The following MYT1L variants were observed in gnomAD, a reference collection of about 807,000 sequenced individuals.
MYT1L encodes myelin transcription factor 1-like protein.
Under a neutral mutation model 126.7 loss-of-function variants are expected in MYT1L, and 12 were observed. That is an observed-to-expected ratio of 0.09 (90% CI 0.06 to 0.15). The LOEUF (loss-of-function observed/expected upper bound fraction) is 0.15. Ranked by LOEUF, MYT1L falls within the 10% of genes least tolerant of loss-of-function variation. The pLI is 1.00. For synonymous variants in MYT1L, 541 were observed against 604.2 expected (o/e 0.90, Z 1.53); for missense variants, 979 against 1,585.2 (o/e 0.62, Z 6.49).
chr2:1,995,734 G>A (rs572205614), intron 5 of MYT1L, among the ~76,000 whole-genome samples: 13 of 152,246 alleles, frequency 8.5e-5, no homozygotes, highest in African/African-American at 2.9e-4. Flanking sequence ...CGAAATCCCC[G>A]TCCCAGACAA....
intron 3 of MYT1L, among the ~76,000 whole-genome samples, chr2:2,114,747 T>TG (rs1475021922): frequency 6.6e-6 from 1 of 152,204 alleles, no homozygotes; most frequent in Non-Finnish European, 1.5e-5. Flanking sequence ...ATGCTACAGG[T>TG]GGCCAGACCC....
chr2:2,184,655 G>A (rs1425186938), intron 2 of MYT1L, among the ~76,000 whole-genome samples: 1 of 151,996 alleles, frequency 6.6e-6, no homozygotes, highest in African/African-American at 2.4e-5. Context: ...TCCTCTTCCC[G>A]CCTAAGCCTC....
At chr2:2,013,948 T>C (rs2064098823) in intron 4 of MYT1L, among the ~76,000 whole-genome samples, 1 of 152,198 alleles carries the variant, frequency 6.6e-6, no homozygotes, top group African/African-American at 2.4e-5. Context: ...TGAAGAAGTG[T>C]TTGCTCCATG....
At position 1,889,510 on chromosome 2, in the gene MYT1L, G is replaced by T; in HGVS notation, c.2284-33C>A. ...TAGAAAGACATAGTGACTGTGCTTG[G>T]CCCGGCATCTTGTGACACCACGAGT... On this transcript the variant is annotated intron_variant, in intron 15 of 24. Coordinates refer to ENST00000647738, the MANE Select transcript of MYT1L (RefSeq NM_001303052.2). This position sits in a 1 kb window ranked among gnomAD's most constrained non-coding sequence, Gnocchi z 4.1. 2 of 1,529,202 alleles carry T rather than the reference G, an allele frequency of 1.3e-6. No homozygotes were observed. The highest frequency in any genetic ancestry group is 1.4e-5 in the African/African-American group (1 of 73,002). The allele number at this position is 1,529,202 out of a possible 1,614,324, so 94.7% of individuals were successfully genotyped here.
At chr2:2,124,815 C>T (rs2081479235) in intron 3 of MYT1L, among the ~76,000 whole-genome samples, 1 of 152,148 alleles carries the variant, frequency 6.6e-6, no homozygotes, top group Admixed American at 6.5e-5. Flanking sequence ...AGACACTTTG[C>T]TGAGGCACAG....
intron 8 of MYT1L, among the ~76,000 whole-genome samples, chr2:1,956,755 A>G (rs563712268): frequency 6.6e-6 from 1 of 152,290 alleles, no homozygotes; most frequent in South Asian, 2.1e-4. Context: ...GACAAGAGAT[A>G]TAATATTTTC....
chr2:2,134,934 CA>C (rs2082848659), intron 3 of MYT1L, among the ~76,000 whole-genome samples: 1 of 152,168 alleles, frequency 6.6e-6, no homozygotes, highest in South Asian at 2.1e-4. Flanking sequence ...TGCACCTCTT[CA>C]AAGGTACCAT....
chr2:1,825,178 C>G (rs1191979355), intron 21 of MYT1L: 1 of 152,244 alleles, frequency 6.6e-6, no homozygotes, highest in Non-Finnish European at 1.5e-5. Flanking sequence ...CACAGAGAGG[C>G]CTCAGGGCTG....
chr2:2,002,725 C>T (rs927285328), intron 4 of MYT1L, among the ~76,000 whole-genome samples: 1 of 152,100 alleles, frequency 6.6e-6, no homozygotes, highest in Non-Finnish European at 1.5e-5. Context: ...GAATTGTAAT[C>T]CCCATAGTCC....
At chr2:2,031,545 G>A (rs2066256682) in intron 4 of MYT1L, among the ~76,000 whole-genome samples, 1 of 140,724 alleles carries the variant, frequency 7.1e-6, no homozygotes, top group African/African-American at 2.7e-5. Flanking sequence ...TCATCCTGTG[G>A]CCCAGAGCAG....
chr2:2,302,778 G>A (rs775387036), intron 1 of MYT1L, among the ~76,000 whole-genome samples: 3 of 152,126 alleles, frequency 2.0e-5, no homozygotes, highest in South Asian at 2.1e-4. Context: ...GATTGTAGAC[G>A]TGGTAATGTG....
chr2:2,155,754 C>G (rs547352853), intron 3 of MYT1L, among the ~76,000 whole-genome samples: 6 of 152,306 alleles, frequency 3.9e-5, no homozygotes, highest in East Asian at 1.9e-4. Context: ...CCTCATGGAG[C>G]TGTATGGAGC....
At chr2:2,220,381 G>T (rs1331050172) in intron 2 of MYT1L, among the ~76,000 whole-genome samples, 1 of 152,142 alleles carries the variant, frequency 6.6e-6, no homozygotes, top group Non-Finnish European at 1.5e-5. Context: ...TTGACAAGTG[G>T]CTGAGTTTGT....
intron 18 of MYT1L, among the ~76,000 whole-genome samples, chr2:1,873,599 C>G (rs1371386297): frequency 2.0e-5 from 3 of 152,292 alleles, no homozygotes; most frequent in Non-Finnish European, 4.4e-5. Flanking sequence ...ATTAAATTCA[C>G]TGATGATTTG....
At chr2:2,179,527 T>G (rs1460153841) in intron 2 of MYT1L, among the ~76,000 whole-genome samples, 3 of 152,218 alleles carry the variant, frequency 2.0e-5, no homozygotes, top group African/African-American at 7.2e-5. Context: ...ATCGTTATCA[T>G]GACAACACCT....
chr2:1,949,006 A>T (rs2057488651), intron 8 of MYT1L, among the ~76,000 whole-genome samples: 1 of 152,056 alleles, frequency 6.6e-6, no homozygotes, highest in Non-Finnish European at 1.5e-5. Context: ...CTTTTTTCAC[A>T]CAGTTGAAAC....
chr2:1,937,748 A>C (rs112345773), intron 9 of MYT1L, among the ~76,000 whole-genome samples: 39 of 144,672 alleles, frequency 2.7e-4, no homozygotes, highest in Admixed American at 8.2e-4. Flanking sequence ...TCAGATGGCA[A>C]GTCGAGAAGG....
intron 21 of MYT1L, among the ~76,000 whole-genome samples, chr2:1,817,726 G>C (rs949560192): frequency 6.6e-6 from 1 of 152,154 alleles, no homozygotes; most frequent in Non-Finnish European, 1.5e-5. Flanking sequence ...TGCTGGTCCC[G>C]GGCTCTCGGG....
intron 18 of MYT1L, among the ~76,000 whole-genome samples, chr2:1,860,176 C>T (rs1436459525): frequency 2.0e-5 from 3 of 152,344 alleles, no homozygotes; most frequent in Admixed American, 1.3e-4. Flanking sequence ...CACATCCTGA[C>T]GTCCCATTCA....
Sources: gnomAD v4.1 joint callset for allele counts (sites outside exome capture counted in the v4.1 genomes callset) on GRCh38, gnomAD v4.1.1 for gene constraint, Gnocchi (gnomAD v3.1) non-coding constraint, MANE v1.5 for transcripts, NCBI Gene and HGNC (gene_info 2026-07-23, HGNC 2026-07-21) for gene names.